The following RALGAPA1 variants were observed in gnomAD, a reference collection of about 807,000 sequenced individuals.
RALGAPA1 encodes ral GTPase-activating protein subunit alpha-1.
Under a neutral mutation model 269.6 loss-of-function variants are expected in RALGAPA1, and 52 were observed. That is an observed-to-expected ratio of 0.19 (90% CI 0.15 to 0.24). The LOEUF (loss-of-function observed/expected upper bound fraction) is 0.24, where lower values mean the gene tolerates loss of function less well. Among genes scored for constraint, RALGAPA1 ranks in the 10% least tolerant of loss-of-function variants. The pLI, the probability that RALGAPA1 is intolerant of heterozygous loss-of-function variation, is 1.00. For missense variants in RALGAPA1, 1,917 were observed against 3,013.9 expected (o/e 0.64, Z 8.52); for synonymous variants, 817 against 1,008.3 (o/e 0.81, Z 3.60).
chr14:35,710,115 T>C (rs1185594323), intron 16 of RALGAPA1, among the ~76,000 whole-genome samples: 1 of 152,232 alleles, frequency 6.6e-6, no homozygotes, highest in East Asian at 1.9e-4. Context: ...TGTCAATTAC[T>C]GATAGAAAGA....
At chr14:35,806,655 C>A (rs1331651240) in intron 1 of RALGAPA1, among the ~76,000 whole-genome samples, 1 of 152,076 alleles carries the variant, frequency 6.6e-6, no homozygotes, top group African/African-American at 2.4e-5. Context: ...TCTGTTTGGT[C>A]CCATATGAAC....
intron 16 of RALGAPA1, among the ~76,000 whole-genome samples, chr14:35,703,777 A>C (rs1477797102): frequency 2.0e-5 from 3 of 152,176 alleles, no homozygotes; most frequent in African/African-American, 7.2e-5. Flanking sequence ...AGTATGAAAA[A>C]TATAACATCA....
intron 31 of RALGAPA1, among the ~76,000 whole-genome samples, chr14:35,638,310 G>A (rs966770580): frequency 2.0e-5 from 3 of 152,104 alleles, no homozygotes; most frequent in African/African-American, 7.2e-5. Flanking sequence ...AGAATAAAAA[G>A]TTAAAAAGCA....
intron 1 of RALGAPA1, among the ~76,000 whole-genome samples, chr14:35,807,413 C>CT (rs2077451341): frequency 6.6e-6 from 1 of 152,192 alleles, no homozygotes; most frequent in Non-Finnish European, 1.5e-5. Flanking sequence ...ACTGGATTAA[C>CT]TGCTTTCTTA....
chr14:35,783,437 A>T (rs892256384), intron 1 of RALGAPA1, among the ~76,000 whole-genome samples: 1 of 152,172 alleles, frequency 6.6e-6, no homozygotes, highest in African/African-American at 2.4e-5. Flanking sequence ...TTAACTCAAA[A>T]TGGATCAAAA....
chr14:35,696,806 T>C (rs992205763), intron 17 of RALGAPA1, among the ~76,000 whole-genome samples: 8 of 152,132 alleles, frequency 5.3e-5, no homozygotes, highest in African/African-American at 1.7e-4. Flanking sequence ...TCAGGAAATA[T>C]TTTATGAGTT....
At position 35,775,643 on chromosome 14, in the gene RALGAPA1, T is replaced by C; in HGVS notation, c.209A>G (p.Lys70Arg). The C allele has an allele frequency of 1.3e-6, 2 of 1,569,680 alleles. No homozygotes were observed. Among genetic ancestry groups the C allele is most frequent in the Non-Finnish European group, 1.7e-6 (2 of 1,166,816 alleles). Residue 70 changes from lysine to arginine, a missense_variant, in exon 2 of 42, where the codon AAA (lysine) becomes AGA (arginine). Physicochemically the swap from Lys to Arg is conservative, Grantham distance 26. Around this residue, in one of 11 missense-constraint regions of RALGAPA1, gnomAD observed 462 missense variants for 725.6 expected, o/e 0.64. Coordinates refer to ENST00000680220, the MANE Select transcript of RALGAPA1 (RefSeq NM_001346249.2). ...ATATGTTAGCATCTTACCTTTCTGT[T>C]TAAGACTAGCTTCAATAGTCACAAA... is the stretch of plus-strand genomic sequence containing the variant. ...ENFVTIEASL[K>R]QKGHKSQREE...
At chr14:35,680,216 T>C (rs190599310) in intron 21 of RALGAPA1, among the ~76,000 whole-genome samples, 4 of 152,302 alleles carry the variant, frequency 2.6e-5, no homozygotes, top group African/African-American at 9.6e-5. Flanking sequence ...TTATTATCAT[T>C]ATTTTTTCTG....
intron 13 of RALGAPA1, among the ~76,000 whole-genome samples, chr14:35,727,229 G>A (rs2070020552): frequency 6.7e-6 from 1 of 148,226 alleles, no homozygotes; most frequent in Admixed American, 6.7e-5. Context: ...ATATAAGAAT[G>A]TTCATTGTCC....
At chr14:35,566,291 G>A (rs966700168) in intron 39 of RALGAPA1, among the ~76,000 whole-genome samples, 3 of 152,108 alleles carry the variant, frequency 2.0e-5, no homozygotes, top group African/African-American at 7.2e-5. Flanking sequence ...TGGTATGATC[G>A]ATTTGGGTAG....
intron 26 of RALGAPA1, among the ~76,000 whole-genome samples, chr14:35,665,207 T>C (rs1595046021): frequency 6.6e-6 from 1 of 152,210 alleles, no homozygotes; most frequent in Admixed American, 6.5e-5. Flanking sequence ...GGAACCAATC[T>C]AGATGGCTTT....
chr14:35,565,654 C>G (rs1457320350), intron 39 of RALGAPA1, among the ~76,000 whole-genome samples: 1 of 152,138 alleles, frequency 6.6e-6, no homozygotes, highest in East Asian at 1.9e-4. Flanking sequence ...TCTTTTCTCT[C>G]TCTTTATATA....
At chr14:35,753,694 G>C (rs145596039) in intron 7 of RALGAPA1, among the ~76,000 whole-genome samples, 9 of 152,124 alleles carry the variant, frequency 5.9e-5, no homozygotes, top group African/African-American at 2.2e-4. Flanking sequence ...GGATGAAAGG[G>C]TTGAGGGTAA....
rs201977932 is a variant in RALGAPA1 at position 35,539,570 on chromosome 14, C to T, written c.*144G>A. 3.8e-5 allele frequency: 61 copies of T among 1,612,812 alleles called. No individual in the cohort carries two copies. Among genetic ancestry groups the T allele is most frequent in the South Asian group, 7.7e-5 (7 of 91,006 alleles). On this transcript the variant is annotated 3_prime_UTR_variant, in exon 42 of 42. Coordinates refer to ENST00000680220, the MANE Select transcript of RALGAPA1 (RefSeq NM_001346249.2). ...GGATTTATTGGCTGAGCCAGAGGAA[C>T]GACGCAGCTTCATGGACATGCGGCT...
chr14:35,568,167 G>C (rs1437591838), intron 39 of RALGAPA1, among the ~76,000 whole-genome samples: 1 of 152,090 alleles, frequency 6.6e-6, no homozygotes, highest in East Asian at 1.9e-4. Flanking sequence ...TGGAAGTACA[G>C]GTTGAGTATC....
chr14:35,772,484 C>T (rs918497648), intron 3 of RALGAPA1, among the ~76,000 whole-genome samples: 1 of 152,088 alleles, frequency 6.6e-6, no homozygotes, highest in Non-Finnish European at 1.5e-5. Flanking sequence ...TAATATTATA[C>T]CTGTTTGGAT....
intron 4 of RALGAPA1, chr14:35,766,206 G>A: frequency 1.2e-6 from 1 of 829,108 alleles, no homozygotes; most frequent in South Asian, 1.3e-5. Flanking sequence ...CATTTCCCTG[G>A]AGGATTTGAT....
At chr14:35,648,121 CA>C (rs573874739) in intron 31 of RALGAPA1, among the ~76,000 whole-genome samples, 74 of 136,766 alleles carry the variant, frequency 5.4e-4, no homozygotes, top group African/African-American at 1.3e-3. Context: ...CTGAAAAAAA[CA>C]AAAAAAAAAA....
At chr14:35,603,780 G>A (rs2059424456) in intron 36 of RALGAPA1, among the ~76,000 whole-genome samples, 1 of 152,024 alleles carries the variant, frequency 6.6e-6, no homozygotes, top group African/African-American at 2.4e-5. Context: ...CTCATATGTG[G>A]GAGCTAAAAA....
Sources: gnomAD v4.1 joint callset for allele counts (sites outside exome capture counted in the v4.1 genomes callset) on GRCh38, gnomAD v4.1.1 for gene constraint, gnomAD v4.1.1 regional missense constraint, MANE v1.5 for transcripts, NCBI Gene and HGNC (gene_info 2026-07-23, HGNC 2026-07-21) for gene names.